The following CACNA1I variants were observed in gnomAD, a reference collection of about 807,000 sequenced individuals.
The protein encoded by CACNA1I is calcium voltage-gated channel subunit alpha1 I, also known as voltage-dependent T-type calcium channel subunit alpha-1I.
CACNA1I carries 74 observed loss-of-function variants against 201.6 expected under a neutral mutation model. That is an observed-to-expected ratio of 0.37 (90% CI 0.30 to 0.45). The LOEUF is 0.45. Among genes scored for constraint, CACNA1I ranks in the 20% least tolerant of loss-of-function variants. The pLI is 1.00. For missense variants in CACNA1I, 2,346 were observed against 3,138.1 expected (o/e 0.75, Z 6.03); for synonymous variants, 1,431 against 1,345.2 (o/e 1.06, Z -1.40).
intron 29 of CACNA1I, among the ~76,000 whole-genome samples, chr22:39,675,852 G>A (rs1177643902): frequency 6.6e-6 from 1 of 152,206 alleles, no homozygotes; most frequent in Non-Finnish European, 1.5e-5. Context: ...TTTTCTGTGT[G>A]GCTGGAGTGT....
chr22:39,584,954 C>T (rs1454354560), intron 1 of CACNA1I, among the ~76,000 whole-genome samples: 1 of 152,214 alleles, frequency 6.6e-6, no homozygotes, highest in Non-Finnish European at 1.5e-5. Flanking sequence ...TTGCTACTTA[C>T]TGTGTTGATA....
In CACNA1I at chr22:39,586,838, G is replaced by A. The variant is rs1295163065; in HGVS notation, c.237-11313G>A. Among the ~76,000 whole-genome samples the A allele has an allele frequency of 2.0e-5, 3 of 152,296 alleles. No homozygotes were observed. The East Asian group carries it at 5.8e-4, about 29-fold the overall frequency. ...CCCTCTCAGTTCAATGGCTGCTTGGGAGAAGGGAGGCATCAGAGGCACGGT... is the reference window on the plus strand; with the variant it reads ...CCCTCTCAGTTCAATGGCTGCTTGGAAGAAGGGAGGCATCAGAGGCACGGT... On this transcript the variant is annotated intron_variant, in intron 1 of 36. Coordinates refer to ENST00000402142, the MANE Select transcript of CACNA1I (RefSeq NM_021096.4).
In CACNA1I at chr22:39,660,576, C is replaced by T. The variant is rs567295539; in HGVS notation, c.2698+139C>T. The T allele has an allele frequency of 1.5e-5, 9 of 583,404 alleles. No homozygotes were observed. The South Asian group carries it at 2.3e-4, about 15-fold the overall frequency. 36.1% of individuals were successfully genotyped at this position (583,404 alleles called of 1,614,324 possible). Reference sequence around the variant, plus strand: ...TTATCTATGGTTTGTTGTTTACGTTCATAATTGGAAAAAATGTGAAATCTC... The same window carrying T: ...TTATCTATGGTTTGTTGTTTACGTTTATAATTGGAAAAAATGTGAAATCTC... On this transcript the variant is annotated intron_variant, in intron 15 of 36. Coordinates refer to ENST00000402142, the MANE Select transcript of CACNA1I (RefSeq NM_021096.4).
At position 39,598,274 on chromosome 22, in the gene CACNA1I, G is replaced by GGGCCCCCCCC; in HGVS notation, c.348+12_348+13insGGCCCCCCCC. 1.5e-6 allele frequency: 2 copies of GGGCCCCCCCC among 1,311,198 alleles called. No individual in the cohort carries two copies. The highest frequency in any genetic ancestry group is 1.0e-6 in the Non-Finnish European group (1 of 971,796). The allele number at this position is 1,311,198 out of a possible 1,614,324, so 81.2% of individuals were successfully genotyped here. On this transcript the variant is annotated intron_variant, in intron 2 of 36. Coordinates refer to ENST00000402142, the MANE Select transcript of CACNA1I (RefSeq NM_021096.4). Reference sequence around the variant, plus strand: ...GCAAGATCCTGCAGGTGAGCCGGCCGCCCCGCCCCGCCCCGCCCTGCCCTC... The same window carrying GGGCCCCCCCC: ...GCAAGATCCTGCAGGTGAGCCGGCCGGGCCCCCCCCCCCCGCCCCGCCCCGCCCTGCCCTC...
chr22:39,620,783 G>A (rs190547627), intron 4 of CACNA1I, among the ~76,000 whole-genome samples: 12 of 151,946 alleles, frequency 7.9e-5, no homozygotes, highest in East Asian at 7.7e-4. Context: ...GACACAGCCC[G>A]TAGCTCTGTT....
chr22:39,673,079 C>T lies in CACNA1I; in HGVS notation c.4780C>T (p.Arg1594Ter), dbSNP rs1226854720. The change falls in exon 28 of 37, where the codon CGA becomes TGA. Residue 1594 changes from arginine (R) to a stop codon, truncating the protein, a stop_gained. Coordinates refer to ENST00000402142, the MANE Select transcript of CACNA1I (RefSeq NM_021096.4). LOFTEE classifies it high-confidence loss of function. The part of the protein sequence containing the change: ...IRIMRVLRIA[R>*]VLKLLKMATG... ...CATCATGAGGGTTCTGCGCATTGCC[C>T]GAGGTGAGGGGCAAGGGGTGGGACA... The T allele has an allele frequency of 1.9e-6, 3 of 1,590,248 alleles. No homozygotes were observed. The highest frequency in any genetic ancestry group is 1.1e-5 in the South Asian group (1 of 90,694).
chr22:39,662,942 C>T (rs1297366574), intron 18 of CACNA1I, 66 bp downstream of exon 18: 1 of 1,081,174 alleles, frequency 9.2e-7, no homozygotes, highest in Non-Finnish European at 1.4e-6. Flanking sequence ...GGATCTCTGC[C>T]AAGCCAGGCA....
intron 10 of CACNA1I, among the ~76,000 whole-genome samples, chr22:39,653,387 C>T (rs1569081871): frequency 2.0e-5 from 3 of 152,316 alleles, no homozygotes; most frequent in South Asian, 2.1e-4. Flanking sequence ...ACTATGGGCC[C>T]GCTGGTATTT....
In CACNA1I at chr22:39,684,823, G is replaced by A. The variant is rs906801380; in HGVS notation, c.6027+325G>A. 3.8e-5 allele frequency: 21 copies of A among 557,844 alleles called. No homozygotes were observed. Among genetic ancestry groups the A allele is most frequent in the Middle Eastern group, 4.7e-4 (1 of 2,148 alleles). 34.6% of individuals were successfully genotyped at this position (557,844 alleles called of 1,614,324 possible). A position where few individuals can be genotyped will look rare whatever the true frequency, so the allele number is the denominator to read the frequency against. On this transcript the variant is annotated intron_variant, in intron 36 of 36. Transcript: ENST00000402142. This position sits in a 1 kb window ranked among gnomAD's most constrained non-coding sequence, Gnocchi z 4.6. ...AGTACTGGAGGTTTTGCAGGGTGGC[G>A]GGGTGCTGGCAGTGGGGAGGACACC...
intron 4 of CACNA1I, among the ~76,000 whole-genome samples, chr22:39,628,836 C>T (rs552833894): frequency 7.7e-4 from 118 of 152,278 alleles, no homozygotes; most frequent in African/African-American, 2.5e-3. Context: ...CCCCTCGCCC[C>T]GACTCCACTC....
At chr22:39,607,057 A>G (rs1306399111) in intron 3 of CACNA1I, among the ~76,000 whole-genome samples, 1 of 152,182 alleles carries the variant, frequency 6.6e-6, no homozygotes, top group African/African-American at 2.4e-5. Context: ...AAGTTCCCCA[A>G]GAATTCTGAT....
intron 29 of CACNA1I, among the ~76,000 whole-genome samples, chr22:39,674,685 T>C (rs1281266783): frequency 6.6e-6 from 1 of 152,132 alleles, no homozygotes; most frequent in East Asian, 1.9e-4. Context: ...TCTTGACTGC[T>C]TGAGGCTCCC....
intron 6 of CACNA1I, 40 bp downstream of exon 6, chr22:39,641,222 TGGGCAGCTCTGCCTGGTGGGCA>T (rs1326613978): frequency 6.5e-7 from 1 of 1,544,132 alleles, no homozygotes; most frequent in African/African-American, 1.4e-5. Flanking sequence ...GGTCCTAGAG[TGGGCAGCTCTGCCTGGTGGGCA>T]GGGCTCTGTG....
chr22:39,577,301 G>A (rs1237239915), intron 1 of CACNA1I, among the ~76,000 whole-genome samples: 1 of 152,264 alleles, frequency 6.6e-6, no homozygotes, highest in Admixed American at 6.5e-5. Context: ...CTCCCAAAGT[G>A]CTGGGATTAC....
intron 5 of CACNA1I, among the ~76,000 whole-genome samples, chr22:39,637,651 T>C (rs893360340): frequency 7.9e-5 from 12 of 152,200 alleles, no homozygotes. Flanking sequence ...TAAGTGGCAG[T>C]GTACTCACTC....
intron 3 of CACNA1I, among the ~76,000 whole-genome samples, chr22:39,601,816 G>A (rs922568047): frequency 5.1e-5 from 7 of 136,818 alleles, no homozygotes; most frequent in African/African-American, 1.4e-4. Flanking sequence ...TTGCTCTCTC[G>A]CTTTCTCTCC....
chr22:39,673,955 G>T lies in CACNA1I; in HGVS notation c.4784-8G>T. On this transcript the variant is annotated splice_region_variant and splice_polypyrimidine_tract_variant and intron_variant, in intron 28 of 36. Coordinates refer to ENST00000402142, the MANE Select transcript of CACNA1I (RefSeq NM_021096.4). ...GGCTGAGTGGGCAGGGCTGGGTCTC[G>T]CCCGCAGTGCTGAAGCTGTTGAAGA... 6.2e-7 allele frequency: 1 copy of T among 1,611,898 alleles called. No homozygotes were observed.
rs755020643 is a variant in CACNA1I, at chr22:39,640,984, C to A, written c.858C>A (p.Leu286=). The change falls in exon 6 of 37, where the codon CTC becomes CTA. Residue 286 remains leucine, a synonymous_variant. Coordinates refer to ENST00000402142, the MANE Select transcript of CACNA1I (RefSeq NM_021096.4). ...TGGGCTGCCATGAGATCCCCCCGCTCAAGGAGCAGGGCCGTGAGTGCTGCC... is the reference window on the plus strand; with the variant it reads ...TGGGCTGCCATGAGATCCCCCCGCTAAAGGAGCAGGGCCGTGAGTGCTGCC... ...GIMGCHEIPP[L]KEQGRECCLS... is the part of the protein sequence containing the mutation. The A allele has an allele frequency of 6.2e-7, 1 of 1,614,038 alleles. No homozygotes were observed. The highest frequency in any genetic ancestry group is 8.5e-7 in the Non-Finnish European group (1 of 1,179,900).
rs1392264724 is a variant in CACNA1I, at chr22:39,649,784, G to T, written c.1851G>T (p.Gly617=). ...AGGAGGAGGAGGAGCAGGCGGATGG[G>T]GCGGTCTGGCTGTGCGGGGATGTGT... The part of the protein sequence containing the change: ...KEEEEEEQAD[G]AVWLCGDVWR... Residue 617 remains glycine, a synonymous_variant, in exon 10 of 37, where the codon GGG becomes GGT. Transcript: ENST00000402142. This position sits in a 1 kb window ranked among gnomAD's most constrained non-coding sequence, Gnocchi z 7.3. 1 of 1,610,252 alleles carries T rather than the reference G, an allele frequency of 6.2e-7. No homozygotes were observed. The highest frequency in any genetic ancestry group is 1.7e-5 in the Admixed American group (1 of 59,508).
Sources: gnomAD v4.1 joint callset for allele counts (sites outside exome capture counted in the v4.1 genomes callset) on GRCh38, gnomAD v4.1.1 for gene constraint, Gnocchi (gnomAD v3.1) non-coding constraint, MANE v1.5 for transcripts, NCBI Gene and HGNC (gene_info 2026-07-23, HGNC 2026-07-21) for gene names.